Variants in TMCO4 observed in about 807,000 individuals in gnomAD.
The protein encoded by TMCO4 is transmembrane and coiled-coil domain-containing protein 4.
TMCO4 carries 58 observed loss-of-function variants against 64.7 expected under a neutral mutation model. That is an observed-to-expected ratio of 0.90 (90% CI 0.73 to 1.12). TMCO4 has a LOEUF of 1.12. TMCO4 is among the 50% of genes most tolerant of loss of function. The pLI is 0.00. For synonymous variants in TMCO4, 325 were observed against 346.1 expected (o/e 0.94, Z 0.68); for missense variants, 780 against 825.9 (o/e 0.94, Z 0.68).
intron 15 of TMCO4, among the ~76,000 whole-genome samples, chr1:19,691,313 T>C (rs1419744876): frequency 6.6e-6 from 1 of 152,184 alleles, no homozygotes; most frequent in African/African-American, 2.4e-5. Flanking sequence ...GTTAGGAATT[T>C]TGTCTTAAGG....
At chr1:19,704,605 T>A (rs1034013054) in intron 13 of TMCO4, among the ~76,000 whole-genome samples, 2 of 152,204 alleles carry the variant, frequency 1.3e-5, no homozygotes, top group Middle Eastern at 3.2e-3. Flanking sequence ...CTCAGCAGCT[T>A]TCTCTGGGGG....
chr1:19,735,893 A>G (rs1209236019), intron 13 of TMCO4, among the ~76,000 whole-genome samples: 1 of 152,182 alleles, frequency 6.6e-6, no homozygotes, highest in Non-Finnish European at 1.5e-5. Flanking sequence ...ATGACAGCAG[A>G]GAGGATGGCA....
intron 13 of TMCO4, among the ~76,000 whole-genome samples, chr1:19,726,298 T>G (rs1438329951): frequency 1.3e-5 from 2 of 152,082 alleles, no homozygotes; most frequent in Non-Finnish European, 1.5e-5. Context: ...ATGACCCAGG[T>G]GTGGGTGATG....
At chr1:19,760,460 C>A (rs995377998) in intron 6 of TMCO4, among the ~76,000 whole-genome samples, 5 of 152,178 alleles carry the variant, frequency 3.3e-5, no homozygotes, top group African/African-American at 1.2e-4. Flanking sequence ...CACTGTCACC[C>A]AGGATGGAGT....
intron 13 of TMCO4, among the ~76,000 whole-genome samples, 177 bp downstream of exon 13, chr1:19,737,195 C>T (rs1284428432): frequency 6.6e-6 from 1 of 152,222 alleles, no homozygotes; most frequent in East Asian, 1.9e-4. Flanking sequence ...TATATAAAAT[C>T]ATTTCCCCAA....
chr1:19,780,440 T>C, intron 4 of TMCO4, 140 bp downstream of exon 4: 1 of 1,036,910 alleles, frequency 9.6e-7, no homozygotes, highest in Admixed American at 3.1e-5. Context: ...GCCTGGAGGT[T>C]AGAGACCCCT....
At chr1:19,787,183 G>C (rs761550713) in intron 2 of TMCO4, 66 bp from the exon 3 acceptor site, 2 of 152,322 alleles carry the variant, frequency 1.3e-5, no homozygotes, top group Non-Finnish European at 2.9e-5. Flanking sequence ...GGGAGGCTAC[G>C]GCAGAGGGAG....
At chr1:19,744,521 G>A (rs2041675646) in intron 10 of TMCO4, among the ~76,000 whole-genome samples, 1 of 152,142 alleles carries the variant, frequency 6.6e-6, no homozygotes, top group African/African-American at 2.4e-5. Context: ...CTCACATGCT[G>A]AAAGTCCTTT....
intron 13 of TMCO4, among the ~76,000 whole-genome samples, chr1:19,705,452 A>AAAATAAAT: frequency 6.6e-6 from 1 of 152,058 alleles, no homozygotes; most frequent in South Asian, 2.1e-4. Flanking sequence ...CTCCATCTCA[A>AAAATAAAT]AAATAAATAA....
chr1:19,778,785 C>T (rs1028645000), intron 4 of TMCO4, among the ~76,000 whole-genome samples: 5 of 152,176 alleles, frequency 3.3e-5, no homozygotes, highest in Admixed American at 6.5e-5. Flanking sequence ...CTTCTTTTCA[C>T]GAACCTTTAC....
At chr1:19,753,910 A>G (rs1202356756) in intron 7 of TMCO4, among the ~76,000 whole-genome samples, 1 of 152,226 alleles carries the variant, frequency 6.6e-6, no homozygotes, top group African/African-American at 2.4e-5. Flanking sequence ...AAAAGGGTCT[A>G]TAATAACACA....
Position 19,687,663 on chromosome 1 carries a change from G to A in TMCO4, c.1501-4219C>T, listed in dbSNP as rs1478173113. 2.6e-5 allele frequency among the ~76,000 whole-genome samples: 4 copies of A among 152,210 alleles called. No individual in the cohort carries two copies. The East Asian group carries it at 5.8e-4, about 22-fold the overall frequency. On this transcript the variant is annotated intron_variant, in intron 15 of 15. Transcript: ENST00000294543. Reference sequence around the variant, plus strand: ...AGAAACTTCAGACCCACAGGGACAAGTGATAACTGCCTCTCTAAGGACAAA... The same window carrying A: ...AGAAACTTCAGACCCACAGGGACAAATGATAACTGCCTCTCTAAGGACAAA...
At chr1:19,746,850 G>A (rs909741261) in intron 8 of TMCO4, among the ~76,000 whole-genome samples, 3 of 151,258 alleles carry the variant, frequency 2.0e-5, no homozygotes, top group Admixed American at 6.6e-5. Flanking sequence ...CATGAACCTC[G>A]GAGGCGGAGC....
chr1:19,717,713 G>A (rs151244168), intron 13 of TMCO4, among the ~76,000 whole-genome samples: 3 of 152,192 alleles, frequency 2.0e-5, no homozygotes, highest in African/African-American at 7.2e-5. Context: ...GTCCTTCAAA[G>A]CCTGCCCTCT....
At position 19,789,952 on chromosome 1, in the gene TMCO4, G is replaced by A. The variant is rs938535216; in HGVS notation, c.-100-2835C>T. Among the ~76,000 whole-genome samples, 5 of 151,432 alleles carry A rather than the reference G, an allele frequency of 3.3e-5. No homozygotes were observed. The East Asian group carries it at 7.8e-4, about 24-fold the overall frequency. ...CCTGCAGTCCCAGCTACTCGGGAGG[G>A]TGAGGTGGGAGAATCACTTGAGTCT... is the stretch of plus-strand genomic sequence containing the variant. On this transcript the variant is annotated intron_variant, in intron 2 of 15. Coordinates refer to ENST00000294543, the MANE Select transcript of TMCO4 (RefSeq NM_181719.7).
intron 12 of TMCO4, 65 bp from the exon 13 acceptor site, chr1:19,737,521 TGAG>T: frequency 6.7e-7 from 1 of 1,483,394 alleles, no homozygotes; most frequent in South Asian, 1.1e-5. Flanking sequence ...ACATCAGGCC[TGAG>T]GAGGGCAGCC....
chr1:19,795,484 A>G (rs998424836), intron 2 of TMCO4, among the ~76,000 whole-genome samples: 2 of 152,166 alleles, frequency 1.3e-5, no homozygotes, highest in Admixed American at 1.3e-4. Flanking sequence ...AAAAGTAAAT[A>G]AATAAAAAAT....
At chr1:19,687,363 A>C (rs905110486) in intron 15 of TMCO4, among the ~76,000 whole-genome samples, 1 of 152,214 alleles carries the variant, frequency 6.6e-6, no homozygotes, top group East Asian at 1.9e-4. Context: ...CTGAGACTAT[A>C]GGCATGAGCC....
chr1:19,720,686 G>A (rs190261220), intron 13 of TMCO4, among the ~76,000 whole-genome samples: 9 of 152,092 alleles, frequency 5.9e-5, no homozygotes, highest in Admixed American at 5.9e-4. Flanking sequence ...ACAAAAGATC[G>A]AAAAAATAAA....
Sources: allele counts gnomAD v4.1 joint callset (sites outside exome capture counted in the v4.1 genomes callset), GRCh38; gene constraint gnomAD v4.1.1; transcripts MANE v1.5; gene names NCBI Gene and HGNC (gene_info 2026-07-23, HGNC 2026-07-21).